RAE1: variants seen among roughly 807,000 people sequenced by gnomAD.
The protein encoded by RAE1 is mRNA export factor RAE1.
RAE1 carries 13 observed loss-of-function variants against 52.7 expected under a neutral mutation model. The ratio of observed to expected loss-of-function variants is 0.25; its 90% CI spans 0.16 to 0.39. The LOEUF (loss-of-function observed/expected upper bound fraction) is 0.39. Ranked by LOEUF, RAE1 falls within the 10% of genes least tolerant of loss-of-function variation. RAE1 has a pLI of 1.00. For synonymous variants in RAE1, 164 were observed against 153.1 expected (o/e 1.07, Z -0.52); for missense variants, 262 against 459.8 (o/e 0.57, Z 3.93).
chr20:57,373,979 C>G (rs936331780), intron 10 of RAE1, among the ~76,000 whole-genome samples: 13 of 152,156 alleles, frequency 8.5e-5, no homozygotes, highest in African/African-American at 2.9e-4. Context: ...CTGCAACCTC[C>G]GCCTCCTGGG....
chr20:57,367,914 G>A (rs1222012266), intron 7 of RAE1, among the ~76,000 whole-genome samples: 2 of 152,022 alleles, frequency 1.3e-5, no homozygotes, highest in African/African-American at 4.8e-5. Flanking sequence ...TTTTTGAGAT[G>A]GAGTCTTGCT....
chr20:57,378,008 T>C lies in RAE1; in HGVS notation c.1021-5T>C, dbSNP rs745851586. ...AAGATCATTGGTGTTTTTTGCTCTC[T>C]TTAGGGACATGAATTTTATAATCCC... On this transcript the variant is annotated splice_region_variant and splice_polypyrimidine_tract_variant and intron_variant, in intron 11 of 11. Transcript: ENST00000395841. The C allele has an allele frequency of 2.5e-6, 4 of 1,605,698 alleles. No individual in the cohort carries two copies. The highest frequency in any genetic ancestry group is 3.4e-6 in the Non-Finnish European group (4 of 1,172,834).
intron 4 of RAE1, chr20:57,358,258 T>C (rs183145295): frequency 2.0e-4 from 30 of 152,312 alleles, no homozygotes; most frequent in Middle Eastern, 3.4e-3. Flanking sequence ...CCTACAATGT[T>C]GAGTCCTTTG....
At position 57,356,523 on chromosome 20, in the gene RAE1, T is replaced by A. The variant is rs373540088; in HGVS notation, c.273T>A (p.Asp91Glu). The A allele has an allele frequency of 7.4e-6, 12 of 1,612,764 alleles. No individual in the cohort carries two copies. The highest frequency in any genetic ancestry group is 9.3e-6 in the Non-Finnish European group (11 of 1,178,980). The change falls in exon 4 of 12, where the codon GAT becomes GAA. Residue 91 changes from aspartate to glutamate, a missense_variant. Coordinates refer to ENST00000395841, the MANE Select transcript of RAE1 (RefSeq NM_003610.4). ...AQQMHTGPVL[D>E]VCWSDDGSKV... ...AGATGCACACTGGGCCTGTGCTTGA[T>A]GTCTGCTGGAGTGACGTACGTTCCC...
chr20:57,352,652 G>A (rs1446650360), intron 1 of RAE1, among the ~76,000 whole-genome samples: 1 of 152,232 alleles, frequency 6.6e-6, no homozygotes, highest in Non-Finnish European at 1.5e-5. Flanking sequence ...GAAGGTTGAG[G>A]TAGAGGAATA....
chr20:57,360,351 G>T (rs764092146), intron 4 of RAE1, among the ~76,000 whole-genome samples: 1 of 152,164 alleles, frequency 6.6e-6, no homozygotes, highest in African/African-American at 2.4e-5. Context: ...ACGTTTTTAT[G>T]TGTATACTTG....
At chr20:57,362,368 T>TA (rs2066902600) in intron 4 of RAE1, among the ~76,000 whole-genome samples, 1 of 152,220 alleles carries the variant, frequency 6.6e-6, no homozygotes, top group Non-Finnish European at 1.5e-5. Flanking sequence ...CATTAATAGA[T>TA]ATATGAAAAG....
At chr20:57,366,413 GGGAGCAGGAGAT>G (rs900228520) in intron 5 of RAE1, among the ~76,000 whole-genome samples, 2 of 152,182 alleles carry the variant, frequency 1.3e-5, no homozygotes, top group African/African-American at 4.8e-5. Flanking sequence ...GGAATCCCAA[GGGAGCAGGAGAT>G]GGAGCAGGCA....
Position 57,368,710 on chromosome 20 carries a change from C to T in RAE1, c.540C>T (p.Tyr180=). 2.5e-6 allele frequency: 4 copies of T among 1,610,506 alleles called. No individual in the cohort carries two copies. Among genetic ancestry groups the T allele is most frequent in the Non-Finnish European group, 3.4e-6 (4 of 1,177,046 alleles). Reference sequence around the variant, plus strand: ...TGTTTTCTTCCATTCCCTAGATATACCCCATGGCTGTGGTGGCAACTGCAG... The same window carrying T: ...TGTTTTCTTCCATTCCCTAGATATATCCCATGGCTGTGGTGGCAACTGCAG... ...PERCYCADVI[Y]PMAVVATAER... Residue 180 remains tyrosine (Y), a synonymous_variant, in exon 8 of 12, where the codon TAC becomes TAT. Coordinates refer to ENST00000395841, the MANE Select transcript of RAE1 (RefSeq NM_003610.4).
At chr20:57,372,886 T>C (rs1191127083) in intron 8 of RAE1, 1 of 152,652 alleles carries the variant, frequency 6.6e-6, no homozygotes, top group Non-Finnish European at 1.5e-5. Flanking sequence ...CTCGGGGTGG[T>C]CGGCTTTTCT....
At chr20:57,365,181 A>G (rs1187044693) in intron 4 of RAE1, among the ~76,000 whole-genome samples, 175 bp from the exon 5 acceptor site, 1 of 152,234 alleles carries the variant, frequency 6.6e-6, no homozygotes, top group East Asian at 1.9e-4. Context: ...CATGAAATAG[A>G]TGAAAATGAA....
intron 4 of RAE1, chr20:57,358,061 T>C (rs1032351010): frequency 1.1e-4 from 17 of 152,154 alleles, no homozygotes; most frequent in African/African-American, 3.9e-4. Flanking sequence ...GTGGCTAGTT[T>C]AAATAGGAGG....
intron 1 of RAE1, among the ~76,000 whole-genome samples, chr20:57,352,393 A>G (rs2066723271): frequency 6.6e-6 from 1 of 152,192 alleles, no homozygotes; most frequent in Non-Finnish European, 1.5e-5. Flanking sequence ...GCTCCAAGGC[A>G]GGGATGAGCT....
rs150684766 is a variant in RAE1 at position 57,365,446 on chromosome 20, A to G, written c.375+4A>G. 1.6e-4 allele frequency: 251 copies of G among 1,590,556 alleles called. 1 individual carries two copies. In the East Asian group the frequency reaches 5.3e-3, roughly 34 times the overall value. On this transcript the variant is annotated splice_donor_region_variant and intron_variant, in intron 5 of 11. Coordinates refer to ENST00000395841, the MANE Select transcript of RAE1 (RefSeq NM_003610.4). ...CCAAGCGATACAGATCGCACAGGTA[A>G]CAGAAGCCTCTGCAGAAAGGCTAGG...
At chr20:57,368,161 C>T (rs539323701) in intron 7 of RAE1, among the ~76,000 whole-genome samples, 89 of 152,306 alleles carry the variant, frequency 5.8e-4, no homozygotes, top group African/African-American at 1.0e-3. Flanking sequence ...GCTGGGATTA[C>T]AGGCGTGAGC....
intron 4 of RAE1, 26 bp from the exon 5 acceptor site, chr20:57,365,330 G>A (rs1317720297): frequency 7.1e-6 from 11 of 1,547,636 alleles, no homozygotes; most frequent in South Asian, 1.2e-5. Flanking sequence ...TTCTTAAAAT[G>A]CAAAATTTTC....
chr20:57,368,383 A>G (rs1161314011), intron 7 of RAE1, among the ~76,000 whole-genome samples: 1 of 152,246 alleles, frequency 6.6e-6, no homozygotes, highest in African/African-American at 2.4e-5. Context: ...TATGCTACAT[A>G]CCAAGTATAA....
intron 4 of RAE1, among the ~76,000 whole-genome samples, chr20:57,361,876 C>T (rs2066896598): frequency 6.6e-6 from 1 of 152,196 alleles, no homozygotes; most frequent in Admixed American, 6.5e-5. Context: ...CAGAACAGGT[C>T]CATGGCCTGT....
intron 4 of RAE1, among the ~76,000 whole-genome samples, chr20:57,364,299 G>C (rs1024007060): frequency 6.6e-6 from 1 of 152,192 alleles, no homozygotes; most frequent in Non-Finnish European, 1.5e-5. Context: ...TGTCCACTGA[G>C]GTTGGCATGC....
Sources: allele counts gnomAD v4.1 joint callset (sites outside exome capture counted in the v4.1 genomes callset), GRCh38; gene constraint gnomAD v4.1.1; transcripts MANE v1.5; gene names NCBI Gene and HGNC (gene_info 2026-07-23, HGNC 2026-07-21).